STAT3: variants seen among roughly 807,000 people sequenced by gnomAD.
STAT3 encodes DNA-binding protein APRF.
In STAT3, 7 loss-of-function variants were observed where a neutral mutation model predicts 114.3. The ratio of observed to expected loss-of-function variants is 0.06; its 90% CI spans 0.03 to 0.11. The LOEUF is 0.11. STAT3 is among the 10% of genes least tolerant of loss of function. The pLI, the probability that STAT3 is intolerant of heterozygous loss-of-function variation, is 1.00. For missense variants in STAT3, 364 were observed against 960.9 expected (o/e 0.38, Z 8.21); for synonymous variants, 331 against 354.5 (o/e 0.93, Z 0.74).
rs397857989 is a variant in STAT3, at chr17:42,313,379, C to CAAAAAAAAAAAAAAAAAAAAAAAA, written c.*2365_*2366insTTTTTTTTTTTTTTTTTTTTTTTT. 2 of 83,024 alleles carry CAAAAAAAAAAAAAAAAAAAAAAAA rather than the reference C, an allele frequency of 2.4e-5. No individual in the cohort carries two copies. The highest frequency in any genetic ancestry group is 6.2e-5 in the African/African-American group (1 of 16,104). The allele number at this position is 83,024 out of a possible 1,614,324, so 5.1% of individuals were successfully genotyped here. A position where few individuals can be genotyped will look rare whatever the true frequency, so the allele number is the denominator to read the frequency against. On this transcript the variant is annotated 3_prime_UTR_variant, in exon 24 of 24. Coordinates refer to ENST00000264657, the MANE Select transcript of STAT3 (RefSeq NM_139276.3). ...AGTTAAAGTAGATACAGCAATATAC[C>CAAAAAAAAAAAAAAAAAAAAAAAA]AAAAAAAAAAAAAAAAAAAAAAGAC...
intron 21 of STAT3, among the ~76,000 whole-genome samples, chr17:42,317,994 C>T (rs2081317529): frequency 6.6e-6 from 1 of 152,148 alleles, no homozygotes; most frequent in Non-Finnish European, 1.5e-5. Context: ...CACTCTGTTG[C>T]CCAGGCTCAA....
intron 1 of STAT3, among the ~76,000 whole-genome samples, chr17:42,369,736 G>A (rs1412949645): frequency 4.6e-5 from 7 of 151,862 alleles, no homozygotes; most frequent in Admixed American, 3.9e-4. Context: ...CTATAACCTC[G>A]AACTATCAAA....
At chr17:42,318,128 T>G (rs1445260813) in intron 21 of STAT3, among the ~76,000 whole-genome samples, 1 of 139,760 alleles carries the variant, frequency 7.2e-6, no homozygotes, top group Admixed American at 6.8e-5. Context: ...ATTTTTGTCT[T>G]TTTTTTTTTT....
chr17:42,365,633 G>A (rs1302461781), intron 1 of STAT3, among the ~76,000 whole-genome samples: 1 of 128,532 alleles, frequency 7.8e-6, no homozygotes, highest in Non-Finnish European at 1.7e-5. Flanking sequence ...AGGCTTTGCT[G>A]TTAAAGTTTT....
At chr17:42,346,366 CAAGAG>C (rs997094365) in intron 3 of STAT3, among the ~76,000 whole-genome samples, 198 bp downstream of exon 3, 3 of 152,162 alleles carry the variant, frequency 2.0e-5, no homozygotes, top group African/African-American at 7.2e-5. Flanking sequence ...TCAACTGTGA[CAAGAG>C]AAGTGATTCT....
chr17:42,362,640 C>T (rs1036249018), intron 1 of STAT3, among the ~76,000 whole-genome samples: 3 of 152,202 alleles, frequency 2.0e-5, no homozygotes. Flanking sequence ...CCTCTTTGTG[C>T]CTTAATTTCC....
rs1484688700 is a variant in STAT3, at chr17:42,314,464, CA to C, written c.*1280del. 7.2e-5 allele frequency: 10 copies of C among 139,726 alleles called. No homozygotes were observed. Among genetic ancestry groups the C allele is most frequent in the East Asian group, 3.1e-4 (2 of 6,382 alleles). The allele number at this position is 139,726 out of a possible 1,614,324, so 8.7% of individuals were successfully genotyped here. ...CAAGGAGACATGCCTCTAGCAGGAT[CA>C]GGGGGACTGGGGTCGGGAGGGTGGG... is the stretch of plus-strand genomic sequence containing the variant. On this transcript the variant is annotated 3_prime_UTR_variant, in exon 24 of 24. Transcript: ENST00000264657.
chr17:42,326,427 G>A (rs2144732884), intron 14 of STAT3, among the ~76,000 whole-genome samples: 1 of 152,258 alleles, frequency 6.6e-6, no homozygotes, highest in Non-Finnish European at 1.5e-5. Flanking sequence ...AGGATGGCTT[G>A]AGCCTAGGAG....
At chr17:42,326,639 G>A (rs1014987375) in intron 14 of STAT3, among the ~76,000 whole-genome samples, 2 of 152,092 alleles carry the variant, frequency 1.3e-5, no homozygotes, top group African/African-American at 2.4e-5. Context: ...CAATAATTTG[G>A]TGAAACCCCG....
chr17:42,323,186 G>A, intron 19 of STAT3, 43 bp from the exon 20 acceptor site: 3 of 1,614,160 alleles, frequency 1.9e-6, no homozygotes, highest in Non-Finnish European at 1.7e-6. Context: ...TGCTAACAGG[G>A]CATCCATCCC....
chr17:42,365,531 A>G (rs1429080492), intron 1 of STAT3, among the ~76,000 whole-genome samples: 3 of 152,178 alleles, frequency 2.0e-5, no homozygotes, highest in African/African-American at 4.8e-5. Context: ...GGCAACTAGA[A>G]CAACATTTTT....
chr17:42,345,803 A>C, intron 3 of STAT3, 146 bp from the exon 4 acceptor site: 1 of 818,642 alleles, frequency 1.2e-6, no homozygotes, highest in Non-Finnish European at 2.0e-6. Flanking sequence ...GCCTGGGTGA[A>C]GGCTCTCTGT....
At chr17:42,344,957 T>A (rs1172022540) in intron 4 of STAT3, among the ~76,000 whole-genome samples, 1 of 151,838 alleles carries the variant, frequency 6.6e-6, no homozygotes, top group Non-Finnish European at 1.5e-5. Flanking sequence ...ATTGGAATAA[T>A]CTGTACTATG....
At chr17:42,374,660 G>C (rs1212802782) in intron 1 of STAT3, among the ~76,000 whole-genome samples, 1 of 150,264 alleles carries the variant, frequency 6.7e-6, no homozygotes, top group Non-Finnish European at 1.5e-5. Context: ...TTCACATTGC[G>C]TTTTCCAGTC....
At chr17:42,322,723 T>G (rs2081532379) in intron 20 of STAT3, among the ~76,000 whole-genome samples, 1 of 152,160 alleles carries the variant, frequency 6.6e-6, no homozygotes, top group Non-Finnish European at 1.5e-5. Flanking sequence ...TATAACTACT[T>G]GCGTAAGATA....
At chr17:42,357,786 T>A (rs2083298435) in intron 1 of STAT3, among the ~76,000 whole-genome samples, 2 of 152,210 alleles carry the variant, frequency 1.3e-5, no homozygotes, top group African/African-American at 2.4e-5. Context: ...ATTTCAAGTT[T>A]AAAACATAAC....
rs1188963910 is a variant in STAT3 at position 42,359,136 on chromosome 17, C to T, written c.-23-10597G>A. Among the ~76,000 whole-genome samples, 3 of 151,848 alleles carry T rather than the reference C, an allele frequency of 2.0e-5. No homozygotes were observed. In the East Asian group the frequency reaches 5.8e-4, roughly 29 times the overall value. On this transcript the variant is annotated intron_variant, in intron 1 of 23. Coordinates refer to ENST00000264657, the MANE Select transcript of STAT3 (RefSeq NM_139276.3). ...ATTTTTAGTAAAGAGGGGGTTTCAT[C>T]GTGTTAGCCAGGATGATCTCAATCA...
intron 4 of STAT3, among the ~76,000 whole-genome samples, chr17:42,345,061 T>A (rs1408296891): frequency 6.7e-6 from 1 of 150,356 alleles, no homozygotes; most frequent in Non-Finnish European, 1.5e-5. Flanking sequence ...AGGTCAGGAG[T>A]TCGAGACCAG....
At chr17:42,363,829 C>A (rs2083639559) in intron 1 of STAT3, among the ~76,000 whole-genome samples, 1 of 151,970 alleles carries the variant, frequency 6.6e-6, no homozygotes, top group African/African-American at 2.4e-5. Flanking sequence ...AGACTTTGTT[C>A]CTTTTTCATA....
Sources: gnomAD v4.1 joint callset for allele counts (sites outside exome capture counted in the v4.1 genomes callset) on GRCh38, gnomAD v4.1.1 for gene constraint, MANE v1.5 for transcripts, NCBI Gene and HGNC (gene_info 2026-07-23, HGNC 2026-07-21) for gene names.